Variants in BMPR1B observed in about 807,000 individuals in gnomAD.
The protein encoded by BMPR1B is bone morphogenetic protein receptor type-1B.
A neutral mutation model predicts 59.1 loss-of-function variants in BMPR1B; 12 were observed. That is an observed-to-expected ratio of 0.20 (90% CI 0.13 to 0.33). BMPR1B has a LOEUF of 0.33. Among genes scored for constraint, BMPR1B ranks in the 10% least tolerant of loss-of-function variants. The pLI is 1.00. For synonymous variants in BMPR1B, 237 were observed against 207.3 expected (o/e 1.14, Z -1.23); for missense variants, 550 against 610.9 (o/e 0.90, Z 1.05).
At chr4:94,828,373 A>T (rs1724457176) in intron 1 of BMPR1B, among the ~76,000 whole-genome samples, 1 of 152,256 alleles carries the variant, frequency 6.6e-6, no homozygotes, top group South Asian at 2.1e-4. Flanking sequence ...CAATAACAGA[A>T]TTTTTTCTGC....
chr4:94,872,903 GT>G (rs1726559710), intron 1 of BMPR1B, among the ~76,000 whole-genome samples: 1 of 152,204 alleles, frequency 6.6e-6, no homozygotes, highest in African/African-American at 2.4e-5. Flanking sequence ...AGAGATTTCA[GT>G]TTGATACAAT....
intron 3 of BMPR1B, among the ~76,000 whole-genome samples, chr4:95,076,898 G>T (rs1378572857): frequency 1.3e-5 from 2 of 152,162 alleles, no homozygotes; most frequent in African/African-American, 4.8e-5. Flanking sequence ...GATGAAGCTG[G>T]AATGGAAGAT....
chr4:95,012,161 A>T (rs541405149), intron 3 of BMPR1B, among the ~76,000 whole-genome samples: 2 of 152,226 alleles, frequency 1.3e-5, no homozygotes, highest in Non-Finnish European at 2.9e-5. Context: ...AAAAATGGAC[A>T]TTGCTCTTTA....
chr4:94,811,969 T>C (rs780502058), intron 1 of BMPR1B, among the ~76,000 whole-genome samples: 2 of 152,188 alleles, frequency 1.3e-5, no homozygotes, highest in Non-Finnish European at 2.9e-5. Flanking sequence ...TTTTGCAGCT[T>C]GAAAATGTGA....
chr4:94,758,834 C>T (rs1289407196), intron 1 of BMPR1B, among the ~76,000 whole-genome samples: 1 of 152,064 alleles, frequency 6.6e-6, no homozygotes, highest in Non-Finnish European at 1.5e-5. Context: ...CGTCTGTCTC[C>T]CTCTCCCCAC....
At chr4:94,763,311 T>C (rs1271125818) in intron 1 of BMPR1B, among the ~76,000 whole-genome samples, 1 of 152,216 alleles carries the variant, frequency 6.6e-6, no homozygotes, top group African/African-American at 2.4e-5. Flanking sequence ...AAAGTCTGCA[T>C]TGTTAGATCG....
chr4:95,086,188 C>T (rs1268763640), intron 3 of BMPR1B, among the ~76,000 whole-genome samples: 1 of 152,128 alleles, frequency 6.6e-6, no homozygotes, highest in Non-Finnish European at 1.5e-5. Flanking sequence ...TGATTGGCAT[C>T]ATTTGATAGC....
intron 2 of BMPR1B, among the ~76,000 whole-genome samples, chr4:94,882,254 G>T (rs1438242703): frequency 6.6e-6 from 1 of 152,138 alleles, no homozygotes; most frequent in Non-Finnish European, 1.5e-5. Context: ...GAGGGAACAT[G>T]ATAGTCTTTT....
intron 3 of BMPR1B, among the ~76,000 whole-genome samples, chr4:95,060,576 C>T (rs796881930): frequency 3.3e-5 from 5 of 152,240 alleles, no homozygotes; most frequent in South Asian, 2.1e-4. Flanking sequence ...CCAAATTTCC[C>T]GTCTCTTCCT....
chr4:95,011,676 G>T (rs1327305014), intron 3 of BMPR1B, among the ~76,000 whole-genome samples: 1 of 152,076 alleles, frequency 6.6e-6, no homozygotes, highest in Non-Finnish European at 1.5e-5. Context: ...TGATCTTTTA[G>T]CTGGCTATAT....
chr4:94,962,305 T>C (rs971161423), intron 2 of BMPR1B, among the ~76,000 whole-genome samples: 2 of 152,070 alleles, frequency 1.3e-5, no homozygotes, highest in African/African-American at 4.8e-5. Context: ...GCTCAGCTAA[T>C]TTTTGTATTT....
At chr4:94,882,978 ATGTG>A (rs112253431) in intron 2 of BMPR1B, among the ~76,000 whole-genome samples, 149 of 144,560 alleles carry the variant, frequency 1.0e-3, no homozygotes, top group African/African-American at 2.5e-3. Flanking sequence ...GTGTGTGTGT[ATGTG>A]TGTGTGTGTG....
intron 3 of BMPR1B, among the ~76,000 whole-genome samples, chr4:95,036,316 A>C (rs889041212): frequency 6.6e-6 from 1 of 151,938 alleles, no homozygotes; most frequent in Non-Finnish European, 1.5e-5. Flanking sequence ...ATTTCTCTCT[A>C]ACTGTTTTTT....
rs182898934 is a variant in BMPR1B at position 94,844,092 on chromosome 4, A to G, written c.-182-31739A>G. On this transcript the variant is annotated intron_variant, in intron 1 of 12. Coordinates refer to ENST00000515059, the MANE Select transcript of BMPR1B (RefSeq NM_001203.3). ...AGTAAGTTCTAGAGATCTCATGTGC[A>G]GCATGGGGACCATAGCTGATAATAA... is the stretch of plus-strand genomic sequence containing the variant. Among the ~76,000 whole-genome samples the G allele has an allele frequency of 2.6e-5, 4 of 152,372 alleles. No homozygotes were observed. In the East Asian group the frequency reaches 7.7e-4, roughly 29 times the overall value.
chr4:94,875,248 A>G (rs1321694664), intron 1 of BMPR1B, among the ~76,000 whole-genome samples: 1 of 152,218 alleles, frequency 6.6e-6, no homozygotes, highest in Non-Finnish European at 1.5e-5. Context: ...TAAAAATTAC[A>G]CCAAAAGTTA....
chr4:94,861,151 A>G (rs1725962537), intron 1 of BMPR1B, among the ~76,000 whole-genome samples: 1 of 152,166 alleles, frequency 6.6e-6, no homozygotes, highest in Non-Finnish European at 1.5e-5. Flanking sequence ...TGCTGCTGCT[A>G]AGGTGGCTTC....
chr4:94,961,468 TTTTTTCTG>T (rs910480187), intron 2 of BMPR1B, among the ~76,000 whole-genome samples: 56 of 152,330 alleles, frequency 3.7e-4, no homozygotes, highest in African/African-American at 1.2e-3. Context: ...TTATCATTCT[TTTTTTCTG>T]TATTCATGCT....
intron 1 of BMPR1B, among the ~76,000 whole-genome samples, chr4:94,864,366 C>T (rs1002752276): frequency 3.3e-5 from 5 of 152,056 alleles, no homozygotes; most frequent in East Asian, 1.9e-4. Context: ...AAACGCCAAG[C>T]TCCAATTACT....
chr4:95,121,890 T>G (rs988894261), intron 6 of BMPR1B, among the ~76,000 whole-genome samples: 1 of 152,196 alleles, frequency 6.6e-6, no homozygotes, highest in African/African-American at 2.4e-5. Flanking sequence ...AAGGAAATAA[T>G]CATTAGCATG....
Sources: gnomAD v4.1 joint callset for allele counts (sites outside exome capture counted in the v4.1 genomes callset) on GRCh38, gnomAD v4.1.1 for gene constraint, MANE v1.5 for transcripts, NCBI Gene and HGNC (gene_info 2026-07-23, HGNC 2026-07-21) for gene names.